SPAG16: variants seen among roughly 807,000 people sequenced by gnomAD.
SPAG16 encodes the protein sperm associated antigen 16, also known as sperm-associated antigen 16 protein.
A neutral mutation model predicts 80.4 loss-of-function variants in SPAG16; 86 were observed. That is an observed-to-expected ratio of 1.07 (90% CI 0.90 to 1.28). The LOEUF (loss-of-function observed/expected upper bound fraction) is 1.28. Ranked by LOEUF, SPAG16 falls within the 50% of genes most tolerant of loss-of-function variation. SPAG16 has a pLI of 0.00. For synonymous variants in SPAG16, 294 were observed against 265.9 expected, an observed-to-expected ratio of 1.11 and a Z score of -1.03; for missense variants, 870 against 765.3, an observed-to-expected ratio of 1.14 and a Z score of -1.61.
intron 15 of SPAG16, among the ~76,000 whole-genome samples, chr2:214,150,118 T>TA (rs1248546968): frequency 1.3e-5 from 2 of 152,042 alleles, no homozygotes; most frequent in Non-Finnish European, 2.9e-5. Flanking sequence ...GGTGAAGAAG[T>TA]AAAGAACAAA....
intron 10 of SPAG16, among the ~76,000 whole-genome samples, chr2:213,772,421 G>A (rs2069306514): frequency 6.6e-6 from 1 of 152,022 alleles, no homozygotes; most frequent in South Asian, 2.1e-4. Flanking sequence ...TGAACATTTT[G>A]TATCCTATGT....
chr2:213,906,922 A>G (rs1439239363), intron 11 of SPAG16, among the ~76,000 whole-genome samples: 1 of 151,722 alleles, frequency 6.6e-6, no homozygotes, highest in Non-Finnish European at 1.5e-5. Flanking sequence ...AAGAAACATA[A>G]GAGAAATGCT....
At chr2:213,826,003 A>G (rs1224335184) in intron 10 of SPAG16, among the ~76,000 whole-genome samples, 1 of 151,672 alleles carries the variant, frequency 6.6e-6, no homozygotes, top group East Asian at 1.9e-4. Context: ...TGTATCTAGG[A>G]ACTTATCCAT....
At chr2:213,763,107 G>A (rs1291603356) in intron 10 of SPAG16, among the ~76,000 whole-genome samples, 1 of 152,148 alleles carries the variant, frequency 6.6e-6, no homozygotes, top group Non-Finnish European at 1.5e-5. Flanking sequence ...TGTTAGGATG[G>A]CTGTTATCAA....
chr2:213,873,165 T>C (rs2076015455), intron 11 of SPAG16, among the ~76,000 whole-genome samples: 2 of 92,606 alleles, frequency 2.2e-5, no homozygotes, highest in African/African-American at 5.7e-5. Flanking sequence ...TTGGGAAAAT[T>C]CATCAGTGAA....
chr2:214,338,237 C>T (rs2126024963), intron 15 of SPAG16, among the ~76,000 whole-genome samples: 1 of 152,190 alleles, frequency 6.6e-6, no homozygotes, highest in East Asian at 1.9e-4. Flanking sequence ...TATCCTCAGC[C>T]AAGTGTGGTG....
intron 10 of SPAG16, among the ~76,000 whole-genome samples, chr2:213,730,696 T>C (rs1264135971): frequency 6.6e-6 from 1 of 152,186 alleles, no homozygotes; most frequent in African/African-American, 2.4e-5. Context: ...TCCTGAATAT[T>C]TGGTTTAGTG....
chr2:213,633,725 T>G (rs764801871), intron 10 of SPAG16, among the ~76,000 whole-genome samples: 9 of 152,170 alleles, frequency 5.9e-5, no homozygotes, highest in Non-Finnish European at 1.0e-4. Flanking sequence ...GCATATATAT[T>G]TAACATTGTT....
intron 10 of SPAG16, among the ~76,000 whole-genome samples, chr2:213,517,656 A>AG (rs2075484913): frequency 6.6e-6 from 1 of 152,158 alleles, no homozygotes; most frequent in Non-Finnish European, 1.5e-5. Context: ...TCAGAAATAA[A>AG]GCCACACACA....
intron 10 of SPAG16, among the ~76,000 whole-genome samples, chr2:213,745,761 T>G (rs1053561848): frequency 1.1e-4 from 16 of 152,168 alleles, no homozygotes; most frequent in African/African-American, 3.9e-4. Flanking sequence ...AATAATCAAC[T>G]TTAAAAAGGG....
At chr2:213,477,875 T>A (rs1233325453) in intron 9 of SPAG16, among the ~76,000 whole-genome samples, 1 of 152,060 alleles carries the variant, frequency 6.6e-6, no homozygotes, top group Non-Finnish European at 1.5e-5. Flanking sequence ...AATGATATGG[T>A]TAGTTTCTGT....
At chr2:214,235,688 T>TA (rs1201034615) in intron 15 of SPAG16, among the ~76,000 whole-genome samples, 3 of 152,188 alleles carry the variant, frequency 2.0e-5, no homozygotes, top group African/African-American at 7.2e-5. Context: ...TTTTAACAAT[T>TA]ACTAAAAATT....
intron 10 of SPAG16, among the ~76,000 whole-genome samples, chr2:213,587,753 A>C (rs2060522352): frequency 6.6e-6 from 1 of 152,040 alleles, no homozygotes; most frequent in Admixed American, 6.5e-5. Context: ...TGTAAGCAAA[A>C]ATAAATCATA....
chr2:214,362,149 G>T (rs556782937), intron 15 of SPAG16, among the ~76,000 whole-genome samples: 1 of 151,888 alleles, frequency 6.6e-6, no homozygotes, highest in South Asian at 2.1e-4. Context: ...CTTCAGCACT[G>T]GATACAGGTT....
At chr2:213,972,638 A>T (rs2045135649) in intron 12 of SPAG16, among the ~76,000 whole-genome samples, 1 of 152,170 alleles carries the variant, frequency 6.6e-6, no homozygotes, top group Non-Finnish European at 1.5e-5. Flanking sequence ...CCCCTCACAG[A>T]TGCACCCAGA....
At chr2:213,829,441 A>G (rs2073496298) in intron 10 of SPAG16, among the ~76,000 whole-genome samples, 1 of 152,062 alleles carries the variant, frequency 6.6e-6, no homozygotes, top group African/African-American at 2.4e-5. Context: ...GCCATCTAAG[A>G]GTCAAGGCCT....
intron 15 of SPAG16, among the ~76,000 whole-genome samples, chr2:214,221,327 T>G (rs1032525542): frequency 6.6e-6 from 1 of 152,160 alleles, no homozygotes; most frequent in African/African-American, 2.4e-5. Context: ...ATTTCTTTCT[T>G]GACTGTCTAA....
intron 15 of SPAG16, among the ~76,000 whole-genome samples, chr2:214,333,989 C>T (rs952210092): frequency 6.6e-6 from 1 of 152,220 alleles, no homozygotes; most frequent in Admixed American, 6.5e-5. Context: ...AGGGCTATTG[C>T]CAGGTTGTTA....
intron 5 of SPAG16, among the ~76,000 whole-genome samples, chr2:213,336,122 C>T (rs142273433): frequency 2.0e-4 from 31 of 152,288 alleles, no homozygotes; most frequent in African/African-American, 5.3e-4. Flanking sequence ...CCAAAGGAGG[C>T]GGTGAGGGAT....
Sources: gnomAD v4.1 joint callset for allele counts (sites outside exome capture counted in the v4.1 genomes callset) on GRCh38, gnomAD v4.1.1 for gene constraint, MANE v1.5 for transcripts, NCBI Gene and HGNC (gene_info 2026-07-23, HGNC 2026-07-21) for gene names.